Variants in KAZN observed in about 807,000 individuals in gnomAD.
KAZN encodes the protein kazrin, periplakin interacting protein, also known as kazrin.
KAZN carries 40 observed loss-of-function variants against 87.4 expected under a neutral mutation model. The ratio of observed to expected loss-of-function variants is 0.46; its 90% CI spans 0.36 to 0.60. The LOEUF (loss-of-function observed/expected upper bound fraction) is 0.60. Ranked by LOEUF, KAZN falls within the 20% of genes least tolerant of loss-of-function variation. The probability of loss-of-function intolerance (pLI) is 0.00; values close to 1 mark genes in which losing one functional copy is unlikely to be tolerated. For synonymous variants in KAZN, 466 were observed against 458.3 expected, an observed-to-expected ratio of 1.02 and a Z score of -0.22; for missense variants, 898 against 1,073.9, an observed-to-expected ratio of 0.84 and a Z score of 2.29.
intron 2 of KAZN, among the ~76,000 whole-genome samples, chr1:14,429,301 C>T (rs1168159751): frequency 2.6e-5 from 4 of 152,134 alleles, no homozygotes; most frequent in Non-Finnish European, 4.4e-5. Context: ...GGATGAGGGC[C>T]CTATTGGCAA....
At chr1:14,930,966 C>G (rs2101573867) in intron 1 of KAZN, among the ~76,000 whole-genome samples, 1 of 152,248 alleles carries the variant, frequency 6.6e-6, no homozygotes, top group Admixed American at 6.5e-5. Flanking sequence ...CGGGAGACTC[C>G]CCCGCCACAA....
chr1:14,141,380 G>A (rs1256631030), intron 1 of KAZN, among the ~76,000 whole-genome samples: 1 of 151,778 alleles, frequency 6.6e-6, no homozygotes, highest in Non-Finnish European at 1.5e-5. Context: ...GGTTCCCGAC[G>A]CCCACCTGTT....
At chr1:14,114,236 G>T (rs1644561240) in intron 1 of KAZN, among the ~76,000 whole-genome samples, 1 of 152,168 alleles carries the variant, frequency 6.6e-6, no homozygotes, top group Non-Finnish European at 1.5e-5. Flanking sequence ...ACACAGACAA[G>T]TGCATGTGGG....
intron 1 of KAZN, among the ~76,000 whole-genome samples, chr1:14,788,101 C>T (rs1645563736): frequency 6.6e-6 from 1 of 152,136 alleles, no homozygotes; most frequent in South Asian, 2.1e-4. Flanking sequence ...ACAGCAACAG[C>T]AGAGCATTAA....
At chr1:14,493,033 A>G (rs1669759835) in intron 2 of KAZN, among the ~76,000 whole-genome samples, 2 of 151,980 alleles carry the variant, frequency 1.3e-5, no homozygotes, top group East Asian at 1.9e-4. Flanking sequence ...ACGTTCGCAC[A>G]GCTTGTCCCC....
intron 1 of KAZN, among the ~76,000 whole-genome samples, chr1:14,878,764 A>G (rs1653030405): frequency 6.6e-6 from 1 of 152,166 alleles, no homozygotes; most frequent in African/African-American, 2.4e-5. Context: ...CTCCCTTGCC[A>G]GTTTCCTGTT....
intron 1 of KAZN, among the ~76,000 whole-genome samples, chr1:14,818,282 G>A (rs187517322): frequency 4.6e-5 from 7 of 152,320 alleles, no homozygotes; most frequent in East Asian, 3.9e-4. Flanking sequence ...TGTGTATTGC[G>A]AGTGTATATC....
chr1:14,258,470 C>T (rs563938213), intron 2 of KAZN, among the ~76,000 whole-genome samples: 176 of 150,252 alleles, frequency 1.2e-3, no homozygotes, highest in African/African-American at 4.1e-3. Context: ...CTCCTGACCT[C>T]GTGATCCACC....
Position 15,101,758 on chromosome 1 carries a change from T to C in KAZN, c.1763T>C (p.Val588Ala). 6.3e-7 allele frequency: 1 copy of C among 1,579,472 alleles called. No homozygotes were observed. Among genetic ancestry groups the C allele is most frequent in the Non-Finnish European group, 8.6e-7 (1 of 1,162,328 alleles). ...CTGGGGATCGAGCTGCTGTACCAAG[T>C]GAACTTCAGCAGGGAGGTGAGGACC... ...ILLGIELLYQ[V>A]NFSREALQER... The change falls in exon 11 of 15, where the codon GTG becomes GCG. Residue 588 changes from valine to alanine, a missense_variant. Around this residue, in one of 3 missense-constraint regions of KAZN, gnomAD observed 521 missense variants for 689.4 expected, o/e 0.76. Transcript: ENST00000376030.
At chr1:14,584,074 C>G (rs1006801701) in intron 2 of KAZN, among the ~76,000 whole-genome samples, 13 of 152,130 alleles carry the variant, frequency 8.5e-5, no homozygotes, top group African/African-American at 3.1e-4. Flanking sequence ...CTGGTCTGCC[C>G]AGGATTCCTT....
At chr1:13,942,580 A>G (rs1440493946) in intron 1 of KAZN, among the ~76,000 whole-genome samples, 2 of 113,316 alleles carry the variant, frequency 1.8e-5, no homozygotes, top group Non-Finnish European at 3.9e-5. Flanking sequence ...AAATGTATAT[A>G]TATAATTCAC....
chr1:14,828,433 G>T (rs1431290164), intron 1 of KAZN, among the ~76,000 whole-genome samples: 1 of 152,164 alleles, frequency 6.6e-6, no homozygotes, highest in East Asian at 1.9e-4. Context: ...TCAATTGGAT[G>T]AAATAATCGC....
At chr1:13,932,772 T>C (rs908324719) in intron 1 of KAZN, among the ~76,000 whole-genome samples, 2 of 152,212 alleles carry the variant, frequency 1.3e-5, no homozygotes, top group Non-Finnish European at 2.9e-5. Context: ...CGTTGCTAAA[T>C]GTTTGACGCT....
intron 1 of KAZN, among the ~76,000 whole-genome samples, chr1:14,742,435 A>G (rs1484651873): frequency 6.6e-6 from 1 of 152,216 alleles, no homozygotes; most frequent in Non-Finnish European, 1.5e-5. Context: ...CAGGCACTGA[A>G]TAAATACTTG....
chr1:14,723,867 G>A (rs1203394984), intron 1 of KAZN, among the ~76,000 whole-genome samples: 1 of 152,028 alleles, frequency 6.6e-6, no homozygotes. Flanking sequence ...ACACTGTTGT[G>A]GGCACTGGGA....
intron 1 of KAZN, among the ~76,000 whole-genome samples, chr1:13,895,295 A>T (rs1047485976): frequency 1.3e-5 from 2 of 152,170 alleles, no homozygotes; most frequent in Non-Finnish European, 2.9e-5. Context: ...AGGAGGGCTC[A>T]GAAGCTTTCC....
At chr1:14,350,085 G>A (rs150192405) in intron 2 of KAZN, among the ~76,000 whole-genome samples, 1,887 of 144,596 alleles carry the variant, frequency 0.013, 18 homozygotes, top group Non-Finnish European at 0.02. Flanking sequence ...AGTGAGCTGA[G>A]ATCGCGCCAC....
intron 2 of KAZN, among the ~76,000 whole-genome samples, chr1:14,235,949 C>T (rs1557583122): frequency 6.6e-6 from 1 of 152,108 alleles, no homozygotes; most frequent in Non-Finnish European, 1.5e-5. Flanking sequence ...CTCACCCCTA[C>T]CCCACGTTGC....
At chr1:13,956,370 C>T (rs1376016836) in intron 1 of KAZN, among the ~76,000 whole-genome samples, 1 of 149,894 alleles carries the variant, frequency 6.7e-6, no homozygotes, top group African/African-American at 2.5e-5. Context: ...CCCCAAGTCT[C>T]TCGGTGGGCT....
Sources: allele counts gnomAD v4.1 joint callset (sites outside exome capture counted in the v4.1 genomes callset), GRCh38; gene constraint gnomAD v4.1.1; regional missense constraint gnomAD v4.1.1; transcripts MANE v1.5; gene names NCBI Gene and HGNC (gene_info 2026-07-23, HGNC 2026-07-21).